FHIP2A: variants seen among roughly 807,000 people sequenced by gnomAD.
FHIP2A encodes FHF complex subunit HOOK interacting protein 2A.
In FHIP2A, 46 loss-of-function variants were observed where a neutral mutation model predicts 93.5. The ratio of observed to expected loss-of-function variants is 0.49; its 90% CI spans 0.39 to 0.63. FHIP2A has a LOEUF of 0.63. Among genes scored for constraint, FHIP2A ranks in the 20% least tolerant of loss-of-function variants. The pLI is 0.00. For synonymous variants in FHIP2A, 332 were observed against 326.5 expected, an observed-to-expected ratio of 1.02 and a Z score of -0.18; for missense variants, 769 against 909.7, an observed-to-expected ratio of 0.85 and a Z score of 1.99.
chr10:114,873,868 C>G (rs2083871281), intron 16 of FHIP2A, among the ~76,000 whole-genome samples: 2 of 152,018 alleles, frequency 1.3e-5, no homozygotes, highest in African/African-American at 4.8e-5. Flanking sequence ...ATGTTTCCTG[C>G]CCCAGTCCTA....
At position 114,899,496 on chromosome 10, in the gene FHIP2A, G is replaced by GTA. The variant is rs1566393274; in HGVS notation, c.2200_2201insAT (p.Leu734TyrfsTer55). On this transcript the variant is annotated frameshift_variant, in exon 17 of 17. Coordinates refer to the FHIP2A transcript ENST00000369250. LOFTEE classifies it high-confidence loss of function. ...TTCTTTCTTTTATCCTCAGGCAGAC[G>GTA]TTGCCTTCATGGTGGTAAGAGGGAT... The GTA allele has an allele frequency of 1.4e-6, 1 of 718,272 alleles. No individual in the cohort carries two copies. Among genetic ancestry groups the GTA allele is most frequent in the African/African-American group, 1.7e-5 (1 of 57,154 alleles). 44.5% of individuals were successfully genotyped at this position (718,272 alleles called of 1,614,324 possible).
intron 2 of FHIP2A, among the ~76,000 whole-genome samples, chr10:114,831,740 A>G (rs527483477): frequency 1.2e-4 from 19 of 152,328 alleles, no homozygotes; most frequent in African/African-American, 4.1e-4. Flanking sequence ...ACTAGTGTTT[A>G]TTAGTTCCAT....
chr10:114,873,951 G>GAA (rs10715018), intron 16 of FHIP2A, among the ~76,000 whole-genome samples: 3 of 148,472 alleles, frequency 2.0e-5, no homozygotes, highest in African/African-American at 7.4e-5. Flanking sequence ...TCAGGAGGGG[G>GAA]AAAAAAAAAA....
At chr10:114,868,471 C>G (rs549091723), downstream of FHIP2A, among the ~76,000 whole-genome samples, 1 of 152,174 alleles carries the variant, frequency 6.6e-6, no homozygotes, top group African/African-American at 2.4e-5. Context: ...TGAAACCAGT[C>G]CCTGGTGCCA....
In FHIP2A at chr10:114,862,860, C is replaced by G; in HGVS notation, c.*1320C>G. 1 of 985,426 alleles carries G rather than the reference C, an allele frequency of 1.0e-6. No individual in the cohort carries two copies. Among genetic ancestry groups the G allele is most frequent in the Non-Finnish European group, 1.2e-6 (1 of 829,926 alleles). 61.0% of individuals were successfully genotyped at this position (985,426 alleles called of 1,614,324 possible). On this transcript the variant is annotated 3_prime_UTR_variant, in exon 17 of 17. Coordinates refer to ENST00000369248, the MANE Select transcript of FHIP2A (RefSeq NM_020940.4). ...TTGGGGGAACAGGCTATCAAAGGTT[C>G]CGGCTTGAAGGGAACTGTCACTACC...
chr10:114,871,572 T>A (rs1246304590), intron 16 of FHIP2A, among the ~76,000 whole-genome samples: 1 of 152,166 alleles, frequency 6.6e-6, no homozygotes, highest in Non-Finnish European at 1.5e-5. Context: ...CCAACATTGA[T>A]GTAACCAACT....
intron 15 of FHIP2A, among the ~76,000 whole-genome samples, 168 bp downstream of exon 15, chr10:114,861,057 G>C (rs967951238): frequency 6.6e-6 from 1 of 152,116 alleles, no homozygotes; most frequent in African/African-American, 2.4e-5. Context: ...TAAATAATAT[G>C]TAACTTTTAT....
At chr10:114,893,836 G>T (rs56181951) in intron 16 of FHIP2A, among the ~76,000 whole-genome samples, 15,427 of 151,808 alleles carry the variant, frequency 0.1, 2,245 homozygotes, top group African/African-American at 0.33. Context: ...ATAATGACAA[G>T]AAAAATATAT....
intron 16 of FHIP2A, among the ~76,000 whole-genome samples, chr10:114,874,475 A>G (rs1223036211): frequency 2.0e-5 from 3 of 152,220 alleles, no homozygotes; most frequent in Non-Finnish European, 1.5e-5. Context: ...CAAATGAACT[A>G]CAAATTGTAT....
chr10:114,830,270 C>CTTTTTTTTTT (rs5788083), intron 1 of FHIP2A, among the ~76,000 whole-genome samples: 1 of 105,490 alleles, frequency 9.5e-6, no homozygotes, highest in African/African-American at 3.8e-5. Flanking sequence ...CTGAAACCTA[C>CTTTTTTTTTT]TTTTTTTTTT....
intron 1 of FHIP2A, among the ~76,000 whole-genome samples, chr10:114,825,852 TTCCACCCTTGCG>T (rs2083572640): frequency 6.6e-6 from 1 of 152,248 alleles, no homozygotes; most frequent in Non-Finnish European, 1.5e-5. Flanking sequence ...TTCCAACCAG[TTCCACCCTTGCG>T]GGCAGATTTA....
intron 16 of FHIP2A, among the ~76,000 whole-genome samples, chr10:114,886,892 G>A (rs751266707): frequency 1.3e-5 from 2 of 152,090 alleles, no homozygotes; most frequent in African/African-American, 4.8e-5. Flanking sequence ...CCAAGTAGCT[G>A]GGATTACACT....
chr10:114,850,557 G>A lies in FHIP2A; in HGVS notation c.1803+1820G>A, dbSNP rs894875213. ...CAAAAATTTTTTAAAAAAATTATCC[G>A]TGTGTGGTGGCATGCACCTGTAGTT... On this transcript the variant is annotated intron_variant, in intron 13 of 16. Coordinates refer to ENST00000369248, the MANE Select transcript of FHIP2A (RefSeq NM_020940.4). Among the ~76,000 whole-genome samples, 9 of 152,030 alleles carry A rather than the reference G, an allele frequency of 5.9e-5. No homozygotes were observed. In the East Asian group the frequency reaches 1.4e-3, roughly 23 times the overall value.
intron 16 of FHIP2A, among the ~76,000 whole-genome samples, chr10:114,872,571 G>A (rs2083865073): frequency 1.3e-5 from 2 of 152,088 alleles, no homozygotes; most frequent in Admixed American, 1.3e-4. Flanking sequence ...CTCTCCAGTT[G>A]GAAGATGTCA....
At chr10:114,836,311 T>A in intron 5 of FHIP2A, 65 bp downstream of exon 5, 1 of 1,288,874 alleles carries the variant, frequency 7.8e-7, no homozygotes, top group Non-Finnish European at 1.1e-6. Context: ...AAAATTGAAT[T>A]ATGTGAATAA....
chr10:114,884,725 C>A (rs1012681394), intron 16 of FHIP2A, among the ~76,000 whole-genome samples: 1 of 151,726 alleles, frequency 6.6e-6, no homozygotes, highest in African/African-American at 2.4e-5. Context: ...CCAGCCTGAC[C>A]AACATGGTAA....
chr10:114,876,789 C>T (rs959624134), intron 16 of FHIP2A, among the ~76,000 whole-genome samples: 1 of 152,146 alleles, frequency 6.6e-6, no homozygotes, highest in Non-Finnish European at 1.5e-5. Flanking sequence ...GAGACTTCTT[C>T]TCTGCTGCCC....
At chr10:114,836,550 A>G (rs1211982535) in intron 5 of FHIP2A, among the ~76,000 whole-genome samples, 1 of 152,228 alleles carries the variant, frequency 6.6e-6, no homozygotes, top group Non-Finnish European at 1.5e-5. Context: ...TTGATATGCT[A>G]TCATATTTTC....
chr10:114,844,869 C>G (rs1413905805), intron 7 of FHIP2A, among the ~76,000 whole-genome samples: 1 of 152,170 alleles, frequency 6.6e-6, no homozygotes, highest in East Asian at 1.9e-4. Flanking sequence ...ACCGCAACCT[C>G]CGTCTCCCAG....
Sources: allele counts gnomAD v4.1 joint callset (sites outside exome capture counted in the v4.1 genomes callset), GRCh38; gene constraint gnomAD v4.1.1; transcripts MANE v1.5; gene names NCBI Gene and HGNC (gene_info 2026-07-23, HGNC 2026-07-21).